Variants in KIAA2012 observed in about 807,000 individuals in gnomAD.
KIAA2012 encodes the protein uncharacterized protein KIAA2012.
In KIAA2012, 125 loss-of-function variants were observed where a neutral mutation model predicts 150.6. That is an observed-to-expected ratio of 0.83 (90% confidence interval 0.72 to 0.96). KIAA2012 has a LOEUF of 0.96. KIAA2012 is among the 40% of genes least tolerant of loss of function. The probability of loss-of-function intolerance (pLI) is 0.00; values close to 1 mark genes in which losing one functional copy is unlikely to be tolerated. For missense variants in KIAA2012, 1,219 were observed against 1,354.9 expected, an observed-to-expected ratio of 0.90 and a Z score of 1.57; for synonymous variants, 462 against 504.7, an observed-to-expected ratio of 0.92 and a Z score of 1.13.
intron 12 of KIAA2012, among the ~76,000 whole-genome samples, chr2:202,128,583 AT>A (rs1240846318): frequency 6.6e-6 from 1 of 152,058 alleles, no homozygotes; most frequent in Non-Finnish European, 1.5e-5. Flanking sequence ...CTAGACTGCA[AT>A]CTTTTTAAGG....
At chr2:202,172,337 A>G (rs1490615184) in intron 15 of KIAA2012, among the ~76,000 whole-genome samples, 6 of 152,364 alleles carry the variant, frequency 3.9e-5, no homozygotes, top group Non-Finnish European at 7.3e-5. Flanking sequence ...CTATGACTCC[A>G]TGCTCCTTGA....
intron 15 of KIAA2012, among the ~76,000 whole-genome samples, chr2:202,172,278 A>G (rs1261172220): frequency 6.6e-6 from 1 of 152,240 alleles, no homozygotes; most frequent in Non-Finnish European, 1.5e-5. Flanking sequence ...AACTTGCCCA[A>G]GGGGCACACA....
At chr2:202,173,576 TA>T (rs2105731265) in intron 15 of KIAA2012, among the ~76,000 whole-genome samples, 1 of 151,764 alleles carries the variant, frequency 6.6e-6, no homozygotes, top group East Asian at 1.9e-4. Flanking sequence ...TCTCAAAAAA[TA>T]AAATAAAAAA....
At chr2:202,127,593 T>C (rs1690826906) in intron 12 of KIAA2012, among the ~76,000 whole-genome samples, 1 of 152,214 alleles carries the variant, frequency 6.6e-6, no homozygotes, top group African/African-American at 2.4e-5. Context: ...GCCATGACAG[T>C]GCCCCAAAGG....
chr2:202,075,087 G>A lies in KIAA2012; in HGVS notation c.281G>A (p.Cys94Tyr), dbSNP rs1453845860. Residue 94 changes from cysteine to tyrosine, a missense_variant, in exon 2 of 24, where the codon TGC becomes TAC. Physicochemically the swap from Cys to Tyr is radical, Grantham distance 194 (BLOSUM62 -2). Coordinates refer to ENST00000498697, the MANE Select transcript of KIAA2012 (RefSeq NM_001277372.4). ...AAAGAGAGGAGAAAAGGCCCCTACT[G>A]CCCCAGAGGTCCCTGGAGGAAGCTG... ...TPKERRKGPY[C>Y]PRGPWRKLDL... The A allele has an allele frequency of 6.4e-7, 1 of 1,550,402 alleles. No homozygotes were observed. Among genetic ancestry groups the A allele is most frequent in the Middle Eastern group, 1.7e-4 (1 of 5,978 alleles).
Position 202,093,019 on chromosome 2 carries a change from C to A in KIAA2012, c.530-11C>A. ...ACTATTTCTATCAATATCTCCTGAT[C>A]TACTCTTCAGGATACATCAAGGATT... On this transcript the variant is annotated splice_polypyrimidine_tract_variant and intron_variant, in intron 3 of 23. Coordinates refer to ENST00000498697, the MANE Select transcript of KIAA2012 (RefSeq NM_001277372.4). 1 of 1,545,870 alleles carries A rather than the reference C, an allele frequency of 6.5e-7. No homozygotes were observed. The highest frequency in any genetic ancestry group is 8.7e-7 in the Non-Finnish European group (1 of 1,144,098).
chr2:202,171,479 C>T (rs866660115), intron 15 of KIAA2012, among the ~76,000 whole-genome samples: 58 of 152,216 alleles, frequency 3.8e-4, no homozygotes, highest in African/African-American at 1.4e-3. Flanking sequence ...CTCTGCTGCG[C>T]GAGGTCGTCC....
chr2:202,154,874 A>C, intron 14 of KIAA2012, 64 bp downstream of exon 14: 1 of 1,479,270 alleles, frequency 6.8e-7, no homozygotes, highest in South Asian at 1.4e-5. Context: ...CAGTTAATAC[A>C]CTTCTGCATG....
chr2:202,191,523 C>T (rs2105747971), intron 19 of KIAA2012, among the ~76,000 whole-genome samples: 1 of 145,528 alleles, frequency 6.9e-6, no homozygotes, highest in African/African-American at 2.6e-5. Context: ...CCAGCCTGAG[C>T]AACAGAACAA....
chr2:202,104,883 C>G lies in KIAA2012; in HGVS notation c.1325-878C>G, dbSNP rs188142986. On this transcript the variant is annotated intron_variant, in intron 8 of 23. Coordinates refer to ENST00000498697, the MANE Select transcript of KIAA2012 (RefSeq NM_001277372.4). The surrounding 1 kb of genome is among the most constrained non-coding windows in gnomAD (Gnocchi z 4.3). ...ACAATACTATTCACAAGATTGGGTT[C>G]GATCTGATTATTTTCCATGATGACC... Among the ~76,000 whole-genome samples the G allele has an allele frequency of 6.6e-6, 1 of 152,146 alleles. No homozygotes were observed. The highest frequency in any genetic ancestry group is 6.5e-5 in the Admixed American group (1 of 15,276).
intron 14 of KIAA2012, among the ~76,000 whole-genome samples, chr2:202,157,455 G>T (rs1351875350): frequency 2.0e-5 from 3 of 152,232 alleles, no homozygotes; most frequent in Admixed American, 2.0e-4. Context: ...ATTGCACGTT[G>T]CAGGGGATGA....
At chr2:202,091,706 T>C (rs546349868) in intron 3 of KIAA2012, among the ~76,000 whole-genome samples, 1 of 152,260 alleles carries the variant, frequency 6.6e-6, no homozygotes, top group Non-Finnish European at 1.5e-5. Flanking sequence ...TAACTGGACA[T>C]CCTGTATTTT....
chr2:202,097,493 T>G lies in KIAA2012; in HGVS notation c.744T>G (p.Pro248=). The part of the protein sequence containing the change: ...AGAAGHVDQG[P]LAKNHGSQGT... Reference sequence around the variant, plus strand: ...CTGCTGGACACGTGGACCAGGGCCCTCTAGCCAAGAACCATGGCAGTCAGG... The same window carrying G: ...CTGCTGGACACGTGGACCAGGGCCCGCTAGCCAAGAACCATGGCAGTCAGG... The change falls in exon 5 of 24, where the codon CCT becomes CCG. Residue 248 remains proline, a synonymous_variant. Coordinates refer to ENST00000498697, the MANE Select transcript of KIAA2012 (RefSeq NM_001277372.4). 6.5e-7 allele frequency: 1 copy of G among 1,550,276 alleles called. No individual in the cohort carries two copies. Among genetic ancestry groups the G allele is most frequent in the East Asian group, 2.4e-5 (1 of 40,910 alleles).
intron 14 of KIAA2012, among the ~76,000 whole-genome samples, chr2:202,157,723 T>A (rs1691557799): frequency 6.6e-6 from 1 of 152,194 alleles, no homozygotes; most frequent in South Asian, 2.1e-4. Flanking sequence ...CAAGATTTGG[T>A]CAGGCAGCCC....
At chr2:202,177,174 A>G (rs1245164852) in intron 15 of KIAA2012, among the ~76,000 whole-genome samples, 2 of 152,210 alleles carry the variant, frequency 1.3e-5, no homozygotes, top group Non-Finnish European at 1.5e-5. Flanking sequence ...TTTTTGCCTT[A>G]TTAAGCAAAA....
chr2:202,118,971 T>A (rs1298369201), intron 11 of KIAA2012, among the ~76,000 whole-genome samples: 2 of 152,220 alleles, frequency 1.3e-5, no homozygotes, highest in Non-Finnish European at 2.9e-5. Context: ...TCATCACCAC[T>A]TTATGGCTTC....
At chr2:202,085,865 G>C (rs56972470) in intron 2 of KIAA2012, among the ~76,000 whole-genome samples, 2,043 of 152,182 alleles carry the variant, frequency 0.013, 52 homozygotes, top group African/African-American at 0.046. Context: ...AACCAAGCTG[G>C]TGCTTCAGAA....
chr2:202,106,134 C>G lies in KIAA2012; in HGVS notation c.1474+224C>G. On this transcript the variant is annotated intron_variant, in intron 9 of 23. Transcript: ENST00000498697. ...ACCAGTTACTTACTCCCTAACTCAT[C>G]CCACTGCTAATATTTTAACAGTGTC... 4.0e-6 allele frequency: 5 copies of G among 1,251,364 alleles called. No homozygotes were observed. In the South Asian group the frequency reaches 7.6e-5, roughly 19 times the overall value. The allele number at this position is 1,251,364 out of a possible 1,614,324, so 77.5% of individuals were successfully genotyped here.
intron 2 of KIAA2012, among the ~76,000 whole-genome samples, chr2:202,086,182 A>AAAAG (rs1487248949): frequency 2.0e-5 from 3 of 150,780 alleles, no homozygotes; most frequent in East Asian, 1.9e-4. Flanking sequence ...AAAAAAAAAA[A>AAAAG]AAAAGAAAGA....
Sources: allele counts gnomAD v4.1 joint callset (sites outside exome capture counted in the v4.1 genomes callset), GRCh38; gene constraint gnomAD v4.1.1; non-coding constraint Gnocchi (gnomAD v3.1); transcripts MANE v1.5; gene names NCBI Gene and HGNC (gene_info 2026-07-23, HGNC 2026-07-21).